The following FRMD5 variants were observed in gnomAD, a reference collection of about 807,000 sequenced individuals.
FRMD5 encodes the protein FERM domain-containing protein 5.
FRMD5 carries 20 observed loss-of-function variants against 69.0 expected under a neutral mutation model. That is an observed-to-expected ratio of 0.29 (90% CI 0.20 to 0.42). The LOEUF is 0.42. Among genes scored for constraint, FRMD5 ranks in the 10% least tolerant of loss-of-function variants. The pLI, the probability that FRMD5 is intolerant of heterozygous loss-of-function variation, is 1.00. For synonymous variants in FRMD5, 271 were observed against 260.1 expected (o/e 1.04, Z -0.40); for missense variants, 595 against 708.6 (o/e 0.84, Z 1.82).
chr15:44,153,642 T>C (rs901832218), intron 1 of FRMD5, among the ~76,000 whole-genome samples: 5 of 152,230 alleles, frequency 3.3e-5, no homozygotes, highest in African/African-American at 9.6e-5. Flanking sequence ...TTGCACATTA[T>C]GAATGTATTT....
intron 1 of FRMD5, among the ~76,000 whole-genome samples, chr15:43,975,613 G>C (rs1018226452): frequency 2.0e-5 from 3 of 152,164 alleles, no homozygotes; most frequent in African/African-American, 4.8e-5. Context: ...ACGTTGCTGA[G>C]AGAAATGAAA....
At chr15:44,053,903 A>C (rs758535831) in intron 1 of FRMD5, among the ~76,000 whole-genome samples, 3 of 152,246 alleles carry the variant, frequency 2.0e-5, no homozygotes, top group Non-Finnish European at 4.4e-5. Context: ...TATGAAAAGA[A>C]GAGGCACTGA....
At chr15:44,097,154 G>C (rs2076565438) in intron 1 of FRMD5, among the ~76,000 whole-genome samples, 2 of 152,148 alleles carry the variant, frequency 1.3e-5, no homozygotes, top group South Asian at 2.1e-4. Context: ...AAGCTAGTGA[G>C]AGAACAAGAA....
chr15:43,963,543 C>T (rs1258709130), intron 1 of FRMD5, among the ~76,000 whole-genome samples: 6 of 152,178 alleles, frequency 3.9e-5, no homozygotes, highest in Non-Finnish European at 8.8e-5. Flanking sequence ...TTGACCCAGC[C>T]ATCCCATTAC....
At chr15:43,953,608 C>T (rs2090070847) in intron 1 of FRMD5, among the ~76,000 whole-genome samples, 1 of 152,162 alleles carries the variant, frequency 6.6e-6, no homozygotes, top group East Asian at 1.9e-4. Flanking sequence ...TATGGTAGAT[C>T]CTTCTTTGAT....
At chr15:44,049,339 A>G (rs1156992965) in intron 1 of FRMD5, among the ~76,000 whole-genome samples, 1 of 152,194 alleles carries the variant, frequency 6.6e-6, no homozygotes, top group Admixed American at 6.5e-5. Flanking sequence ...TTAAAGAAAT[A>G]AGGCACACAA....
chr15:43,936,236 A>C (rs1312687949), intron 1 of FRMD5, among the ~76,000 whole-genome samples: 1 of 152,202 alleles, frequency 6.6e-6, no homozygotes, highest in African/African-American at 2.4e-5. Context: ...GCTGAGGCTC[A>C]GGCTGGAGTA....
chr15:43,919,293 C>A, intron 4 of FRMD5, 166 bp downstream of exon 4: 1 of 779,266 alleles, frequency 1.3e-6, no homozygotes, highest in Non-Finnish European at 2.4e-6. Flanking sequence ...GAGGGGTACG[C>A]GAAGAAAGCA....
At chr15:44,181,634 G>A (rs1223023588) in intron 1 of FRMD5, among the ~76,000 whole-genome samples, 3 of 152,140 alleles carry the variant, frequency 2.0e-5, no homozygotes, top group Non-Finnish European at 4.4e-5. Flanking sequence ...GGGCACGGTG[G>A]CTCACACTTA....
upstream of FRMD5, among the ~76,000 whole-genome samples, chr15:44,195,419 G>A (rs73409812): frequency 0.039 from 5,997 of 152,286 alleles, 400 homozygotes; most frequent in African/African-American, 0.14. Flanking sequence ...GGATAAAGAA[G>A]CAATCACAGA....
chr15:43,988,831 T>C (rs559643223), intron 1 of FRMD5, among the ~76,000 whole-genome samples: 1 of 152,072 alleles, frequency 6.6e-6, no homozygotes, highest in East Asian at 1.9e-4. Flanking sequence ...GAATGACTAT[T>C]AAAAAAAGAA....
chr15:43,927,697 A>G (rs1434393949), intron 1 of FRMD5, among the ~76,000 whole-genome samples: 1 of 151,070 alleles, frequency 6.6e-6, no homozygotes, highest in Non-Finnish European at 1.5e-5. Context: ...TTTACTTTGC[A>G]CCAAGCTGGC....
At chr15:44,107,683 T>G (rs2076739758) in intron 1 of FRMD5, among the ~76,000 whole-genome samples, 1 of 152,236 alleles carries the variant, frequency 6.6e-6, no homozygotes, top group Non-Finnish European at 1.5e-5. Flanking sequence ...AAAATGTTAA[T>G]GAGATTTTAA....
intron 1 of FRMD5, among the ~76,000 whole-genome samples, chr15:44,002,860 GGTCTCCTCCCTTAATTCTA>G (rs976411855): frequency 1.3e-5 from 2 of 151,948 alleles, no homozygotes; most frequent in African/African-American, 4.8e-5. Context: ...TATGAGGGGT[GGTCTCCTCCCTTAATTCTA>G]GTCTCCCCCC....
intron 1 of FRMD5, among the ~76,000 whole-genome samples, chr15:44,123,349 A>C (rs1368380143): frequency 6.6e-6 from 1 of 151,654 alleles, no homozygotes; most frequent in Non-Finnish European, 1.5e-5. Context: ...CATCTCAAAA[A>C]AAAAAAGTGA....
chr15:43,933,304 T>A (rs2089706646), intron 1 of FRMD5, among the ~76,000 whole-genome samples: 1 of 152,196 alleles, frequency 6.6e-6, no homozygotes, highest in African/African-American at 2.4e-5. Flanking sequence ...CTGACTTTCC[T>A]TAATAAACAG....
At chr15:44,158,760 C>T (rs1248792216) in intron 1 of FRMD5, among the ~76,000 whole-genome samples, 3 of 152,170 alleles carry the variant, frequency 2.0e-5, no homozygotes, top group African/African-American at 4.8e-5. Context: ...TGATCAAGAG[C>T]TAATTTGCAT....
chr15:44,143,203 C>A (rs2077300048), intron 1 of FRMD5, among the ~76,000 whole-genome samples: 1 of 152,200 alleles, frequency 6.6e-6, no homozygotes, highest in South Asian at 2.1e-4. Flanking sequence ...CACCTAATCA[C>A]AAAGGATGTA....
chr15:44,007,045 A>T (rs983050973), intron 1 of FRMD5, among the ~76,000 whole-genome samples: 1 of 152,190 alleles, frequency 6.6e-6, no homozygotes, highest in Non-Finnish European at 1.5e-5. Flanking sequence ...TTATCTTATT[A>T]TAAGAAATTG....
Sources: gnomAD v4.1 joint callset for allele counts (sites outside exome capture counted in the v4.1 genomes callset) on GRCh38, gnomAD v4.1.1 for gene constraint, MANE v1.5 for transcripts, NCBI Gene and HGNC (gene_info 2026-07-23, HGNC 2026-07-21) for gene names.